XRRA1: variants seen among roughly 807,000 people sequenced by gnomAD.
XRRA1 encodes the protein X-ray radiation resistance-associated protein 1.
In XRRA1, 69 loss-of-function variants were observed where a neutral mutation model predicts 80.2. The observed-to-expected ratio is 0.86, with a 90% confidence interval of 0.71 to 1.05. The LOEUF is 1.05. XRRA1 is among the 50% of genes least tolerant of loss of function. XRRA1 has a pLI of 0.00. For missense variants in XRRA1, 967 were observed against 976.4 expected, an observed-to-expected ratio of 0.99 and a Z score of 0.13; for synonymous variants, 348 against 389.9, an observed-to-expected ratio of 0.89 and a Z score of 1.27.
At chr11:74,918,117 G>A (rs547072384) in intron 8 of XRRA1, among the ~76,000 whole-genome samples, 1 of 152,198 alleles carries the variant, frequency 6.6e-6, no homozygotes, top group East Asian at 1.9e-4. Context: ...CAGAAGTGAA[G>A]GTTCAGAAGA....
In XRRA1 at chr11:74,927,400, C is replaced by A; in HGVS notation, c.513G>T (p.Lys171Asn). ...KTIYVKYGDF[K>N]LLEFLDLSFN... ...CCTACCTCCAACTTACTTCTAATAACTTAAAGTCTCCATATTTCACGTAGA... is the reference window on the plus strand; with the variant it reads ...CCTACCTCCAACTTACTTCTAATAAATTAAAGTCTCCATATTTCACGTAGA... Residue 171 changes from lysine (K) to asparagine (N), a missense_variant, in exon 7 of 19, where the codon AAG becomes AAT. Physicochemically the swap from Lys to Asn is moderately conservative, Grantham distance 94. Transcript: ENST00000684022. 6.2e-7 allele frequency: 1 copy of A among 1,608,816 alleles called. No homozygotes were observed. Among genetic ancestry groups the A allele is most frequent in the Non-Finnish European group, 8.5e-7 (1 of 1,175,290 alleles).
intron 8 of XRRA1, 138 bp from the exon 9 acceptor site, chr11:74,907,411 C>CA: frequency 9.7e-7 from 1 of 1,034,824 alleles, no homozygotes; most frequent in Non-Finnish European, 1.4e-6. Flanking sequence ...AAGAGGTCCC[C>CA]ATAGGGATGC....
At chr11:74,879,926 C>CT (rs1050184812) in intron 10 of XRRA1, among the ~76,000 whole-genome samples, 1 of 151,948 alleles carries the variant, frequency 6.6e-6, no homozygotes, top group East Asian at 1.9e-4. Context: ...CTAAAATTCT[C>CT]TTTTTTTGCT....
intron 4 of XRRA1, among the ~76,000 whole-genome samples, chr11:74,934,726 G>A (rs994412181): frequency 9.9e-5 from 15 of 152,042 alleles, no homozygotes; most frequent in Admixed American, 7.9e-4. Context: ...TTAGTGAGAC[G>A]GCCATTAGAT....
At chr11:74,861,653 C>T (rs115399544) in intron 11 of XRRA1, among the ~76,000 whole-genome samples, 1,562 of 152,236 alleles carry the variant, frequency 0.01, 31 homozygotes, top group African/African-American at 0.033. Flanking sequence ...TTTCATCATC[C>T]GAAACCACCC....
At position 74,907,272 on chromosome 11, in the gene XRRA1, C is replaced by T; in HGVS notation, c.658G>A (p.Glu220Lys). The stretch of plus-strand genomic sequence containing the variant: ...CTTGTCAGCGATGTTACAGATGCCT[C>T]CCTGTGAGTGCAAAGATCTTGGGTA... ...LPPNLAVAEQEASVTSLTSKR... is the reference protein window; with the variant it reads ...LPPNLAVAEQKASVTSLTSKR... The change falls in exon 9 of 19, where the codon GAG (glutamate) becomes AAG (lysine). Residue 220 changes from glutamate to lysine, a missense_variant and splice_region_variant. By Grantham distance (56) the Glu-to-Lys change is moderately conservative. Coordinates refer to ENST00000684022, the MANE Select transcript of XRRA1 (RefSeq NM_001378157.1). 6.2e-7 allele frequency: 1 copy of T among 1,613,820 alleles called. No homozygotes were observed. Among genetic ancestry groups the T allele is most frequent in the African/African-American group, 1.3e-5 (1 of 75,028 alleles).
At chr11:74,901,407 A>T (rs2053555933) in intron 10 of XRRA1, among the ~76,000 whole-genome samples, 1 of 152,182 alleles carries the variant, frequency 6.6e-6, no homozygotes, top group South Asian at 2.1e-4. Flanking sequence ...ACAAAATACC[A>T]ATGACATTCT....
Position 74,893,926 on chromosome 11 carries a change from A to G in XRRA1, c.1003+12313T>C, listed in dbSNP as rs528039852. ...TACCCAAAGGGATATAAATCAATCT[A>G]TTACAAAGATATATGCACATGTATG... On this transcript the variant is annotated intron_variant, in intron 10 of 18. Coordinates refer to ENST00000684022, the MANE Select transcript of XRRA1 (RefSeq NM_001378157.1). Among the ~76,000 whole-genome samples, 10 of 152,366 alleles carry G rather than the reference A, an allele frequency of 6.6e-5. No homozygotes were observed. The South Asian group carries it at 1.4e-3, about 22-fold the overall frequency.
chr11:74,937,102 A>T, intron 3 of XRRA1, 34 bp from the exon 4 acceptor site: 1 of 1,594,986 alleles, frequency 6.3e-7, no homozygotes, highest in African/African-American at 1.4e-5. Context: ...AAAAGGGGAA[A>T]ACTCCAAAGC....
At chr11:74,868,421 A>C (rs570971597) in intron 10 of XRRA1, among the ~76,000 whole-genome samples, 1 of 152,340 alleles carries the variant, frequency 6.6e-6, no homozygotes, top group Non-Finnish European at 1.5e-5. Flanking sequence ...CCACTACAAA[A>C]ACACACTTAA....
intron 18 of XRRA1, 28 bp from the exon 19 acceptor site, chr11:74,843,481 C>A (rs1432161359): frequency 1.8e-5 from 29 of 1,599,988 alleles, no homozygotes; most frequent in Non-Finnish European, 2.4e-5. Flanking sequence ...AGGAGAGGCA[C>A]CAAGCTCATC....
chr11:74,885,435 A>G (rs1195109186), intron 10 of XRRA1, among the ~76,000 whole-genome samples: 1 of 152,216 alleles, frequency 6.6e-6, no homozygotes, highest in Non-Finnish European at 1.5e-5. Flanking sequence ...AAAACATCAG[A>G]GACTACTACG....
chr11:74,844,098 T>A (rs759752981), intron 17 of XRRA1, 70 bp downstream of exon 17: 1 of 1,513,098 alleles, frequency 6.6e-7, no homozygotes. Context: ...GGTCCCAAGG[T>A]GACAGCCACA....
chr11:74,897,950 CAG>C (rs1285615671), intron 10 of XRRA1, among the ~76,000 whole-genome samples: 1 of 152,064 alleles, frequency 6.6e-6, no homozygotes, highest in Non-Finnish European at 1.5e-5. Context: ...ACTAAGCACA[CAG>C]AAAAACACAA....
intron 2 of XRRA1, among the ~76,000 whole-genome samples, chr11:74,942,643 C>G (rs1946557006): frequency 6.6e-6 from 1 of 152,210 alleles, no homozygotes; most frequent in South Asian, 2.1e-4. Context: ...TGCATGGGTT[C>G]AGATCCTAGC....
Position 74,845,373 on chromosome 11 carries a change from T to A in XRRA1, c.1729-102A>T, listed in dbSNP as rs2037806974. ...TGTGCTGGTCTCTGCTGGGCCCTGT[T>A]AAGGGCAAGGGTAAGACCAAGACTG... On this transcript the variant is annotated intron_variant, in intron 15 of 18. Transcript: ENST00000684022. The A allele has an allele frequency of 7.2e-6, 9 of 1,253,908 alleles. No homozygotes were observed. In the Middle Eastern group the frequency reaches 5.8e-4, roughly 81 times the overall value. The allele number at this position is 1,253,908 out of a possible 1,614,324, so 77.7% of individuals were successfully genotyped here. A position where few individuals can be genotyped will look rare whatever the true frequency, so the allele number is the denominator to read the frequency against.
intron 10 of XRRA1, among the ~76,000 whole-genome samples, chr11:74,883,231 C>T (rs1480921826): frequency 6.6e-6 from 1 of 152,204 alleles, no homozygotes; most frequent in African/African-American, 2.4e-5. Context: ...TTTTTTAAGC[C>T]CGTTGGAAAA....
intron 6 of XRRA1, among the ~76,000 whole-genome samples, chr11:74,928,956 A>T (rs1365170836): frequency 6.6e-6 from 1 of 152,108 alleles, no homozygotes; most frequent in Non-Finnish European, 1.5e-5. Flanking sequence ...ACTCCTGCCA[A>T]TATTTGACAG....
intron 10 of XRRA1, among the ~76,000 whole-genome samples, chr11:74,879,916 C>T (rs1242080098): frequency 5.3e-5 from 8 of 151,922 alleles, no homozygotes; most frequent in Non-Finnish European, 1.2e-4. Flanking sequence ...AGATATGGGT[C>T]TAAAATTCTC....
Sources: gnomAD v4.1 joint callset for allele counts (sites outside exome capture counted in the v4.1 genomes callset) on GRCh38, gnomAD v4.1.1 for gene constraint, MANE v1.5 for transcripts, NCBI Gene and HGNC (gene_info 2026-07-23, HGNC 2026-07-21) for gene names.